The following NLN variants were observed in gnomAD, a reference collection of about 807,000 sequenced individuals.
NLN encodes neurolysin.
In NLN, 64 loss-of-function variants were observed where a neutral mutation model predicts 79.9. The observed-to-expected ratio is 0.80, with a 90% CI of 0.65 to 0.99. The LOEUF (loss-of-function observed/expected upper bound fraction) is 0.99, where lower values mean the gene tolerates loss of function less well. NLN is among the 50% of genes least tolerant of loss of function. NLN has a pLI of 0.00. For missense variants in NLN, 835 were observed against 858.7 expected (o/e 0.97, Z 0.34); for synonymous variants, 267 against 296.6 (o/e 0.90, Z 1.02).
intron 3 of NLN, among the ~76,000 whole-genome samples, chr5:65,766,171 T>C (rs1759446681): frequency 6.6e-6 from 1 of 152,184 alleles, no homozygotes; most frequent in Non-Finnish European, 1.5e-5. Flanking sequence ...TAGGAACTAA[T>C]CAGGCATCTG....
chr5:65,822,212 T>C (rs1760818205), intron 12 of NLN, among the ~76,000 whole-genome samples: 1 of 152,232 alleles, frequency 6.6e-6, no homozygotes, highest in African/African-American at 2.4e-5. Flanking sequence ...AAGAAAACTT[T>C]CCAAAGGTCC....
At chr5:65,800,696 T>TTATC (rs1275214832) in intron 9 of NLN, among the ~76,000 whole-genome samples, 2 of 151,428 alleles carry the variant, frequency 1.3e-5, no homozygotes, top group African/African-American at 4.9e-5. Context: ...ATTTATTTAT[T>TTATC]TATTTTGAGG....
intron 1 of NLN, among the ~76,000 whole-genome samples, chr5:65,735,420 C>G (rs1031594344): frequency 2.6e-5 from 4 of 152,104 alleles, no homozygotes. Context: ...TGCTTTTTTG[C>G]CATTGTTCTT....
chr5:65,742,858 G>A (rs1320071047), intron 1 of NLN, among the ~76,000 whole-genome samples: 4 of 152,122 alleles, frequency 2.6e-5, no homozygotes, highest in African/African-American at 9.7e-5. Flanking sequence ...CTCTGTTGTT[G>A]TTTTAGCATC....
chr5:65,733,530 C>A, intron 1 of NLN: 2 of 1,452,714 alleles, frequency 1.4e-6, no homozygotes, highest in Admixed American at 3.5e-5. Context: ...TGCCCCAATT[C>A]GGGCTGAGCT....
intron 11 of NLN, 21 bp from the exon 12 acceptor site, chr5:65,812,234 G>T (rs1160586947): frequency 6.2e-7 from 1 of 1,611,260 alleles, no homozygotes. Flanking sequence ...CACATTGATT[G>T]AAATGTATCT....
At chr5:65,732,182 C>A (rs1758625206) in intron 1 of NLN, among the ~76,000 whole-genome samples, 1 of 152,290 alleles carries the variant, frequency 6.6e-6, no homozygotes, top group African/African-American at 2.4e-5. Context: ...AACACCGAAA[C>A]TGCAAAACTG....
chr5:65,744,513 A>G (rs1318289357), intron 1 of NLN, among the ~76,000 whole-genome samples: 1 of 149,316 alleles, frequency 6.7e-6, no homozygotes, highest in Non-Finnish European at 1.5e-5. Context: ...TATAGTCATA[A>G]TTCCAGATGA....
At chr5:65,770,342 TC>T (rs1321195271) in intron 3 of NLN, among the ~76,000 whole-genome samples, 1 of 151,828 alleles carries the variant, frequency 6.6e-6, no homozygotes, top group African/African-American at 2.4e-5. Context: ...CAAAGAAACA[TC>T]CCAGTAGAAA....
chr5:65,822,831 C>T lies in NLN; in HGVS notation c.2031C>T (p.Asp677=), dbSNP rs148323761. The change falls in exon 13 of 13, where the codon GAC becomes GAT. Residue 677 remains aspartate (D), a synonymous_variant. Transcript: ENST00000380985. ...TCCTGAAACCTGGGGGATCTCTGGACGGCATGGACATGCTCCACAATTTCT... is the reference window on the plus strand; with the variant it reads ...TCCTGAAACCTGGGGGATCTCTGGATGGCATGGACATGCTCCACAATTTCT... ...NLILKPGGSL[D]GMDMLHNFLK... is the part of the protein sequence containing the mutation. 19 of 1,611,146 alleles carry T rather than the reference C, an allele frequency of 1.2e-5. No individual in the cohort carries two copies. Among genetic ancestry groups the T allele is most frequent in the Admixed American group, 1.7e-5 (1 of 59,982 alleles).
chr5:65,744,388 T>C (rs1758929663), intron 1 of NLN, among the ~76,000 whole-genome samples: 1 of 152,250 alleles, frequency 6.6e-6, no homozygotes, highest in Admixed American at 6.5e-5. Flanking sequence ...TATTCATCTT[T>C]GTAACCTCAG....
intron 8 of NLN, among the ~76,000 whole-genome samples, chr5:65,789,523 T>C (rs1399138155): frequency 6.6e-6 from 1 of 152,156 alleles, no homozygotes; most frequent in African/African-American, 2.4e-5. Flanking sequence ...ACACCTGTAA[T>C]CCCAGCATTT....
chr5:65,793,792 A>G (rs139313253), intron 9 of NLN: 6 of 152,306 alleles, frequency 3.9e-5, no homozygotes, highest in African/African-American at 1.4e-4. Context: ...ATTCATAGAA[A>G]ACTTGCAAAG....
chr5:65,750,358 A>T (rs964939171), intron 1 of NLN, among the ~76,000 whole-genome samples: 4 of 152,242 alleles, frequency 2.6e-5, no homozygotes, highest in African/African-American at 9.6e-5. Context: ...TGGACTGCAC[A>T]GGTCTAGTGG....
intron 1 of NLN, among the ~76,000 whole-genome samples, chr5:65,723,532 C>T (rs904045481): frequency 1.3e-5 from 2 of 151,216 alleles, no homozygotes; most frequent in Non-Finnish European, 2.9e-5. Context: ...GAGCAATTCT[C>T]GGCCGGGCGC....
chr5:65,785,673 A>G (rs914702405), intron 6 of NLN, 102 bp from the exon 7 acceptor site: 14 of 891,096 alleles, frequency 1.6e-5, no homozygotes, highest in Non-Finnish European at 2.3e-5. Context: ...AAAATATTTG[A>G]TAATTTTACA....
At chr5:65,813,554 C>T (rs1416041921) in intron 12 of NLN, among the ~76,000 whole-genome samples, 1 of 152,020 alleles carries the variant, frequency 6.6e-6, no homozygotes, top group Admixed American at 6.6e-5. Flanking sequence ...CAACTCCATT[C>T]CCCTTATTGA....
Position 65,781,423 on chromosome 5 carries a change from T to A in NLN, c.822+2T>A. 2 of 1,589,934 alleles carry A rather than the reference T, an allele frequency of 1.3e-6. No individual in the cohort carries two copies. Among genetic ancestry groups the A allele is most frequent in the Non-Finnish European group, 8.6e-7 (1 of 1,163,016 alleles). On this transcript the variant is annotated splice_donor_variant, in intron 6 of 12. Coordinates refer to ENST00000380985, the MANE Select transcript of NLN (RefSeq NM_020726.5). LOFTEE classifies it high-confidence loss of function. ...GCTTTTAATACAAGGTGCAAAGAGG[T>A]ATTATAAATGTTTGTCTTTCTTTTG... is the stretch of plus-strand genomic sequence containing the variant.
chr5:65,805,804 A>G (rs1760399737), intron 9 of NLN, among the ~76,000 whole-genome samples: 1 of 152,252 alleles, frequency 6.6e-6, no homozygotes, highest in Non-Finnish European at 1.5e-5. Flanking sequence ...TTGGTAGAAG[A>G]TGCCGTCTAG....
Sources: allele counts gnomAD v4.1 joint callset (sites outside exome capture counted in the v4.1 genomes callset), GRCh38; gene constraint gnomAD v4.1.1; transcripts MANE v1.5; gene names NCBI Gene and HGNC (gene_info 2026-07-23, HGNC 2026-07-21).